DNAH7: variants seen among roughly 807,000 people sequenced by gnomAD.
DNAH7 encodes the protein dynein axonemal heavy chain 7, also known as axonemal beta dynein heavy chain 7.
Under a neutral mutation model 444.6 loss-of-function variants are expected in DNAH7, and 397 were observed. That is an observed-to-expected ratio of 0.89 (90% CI 0.82 to 0.97). The LOEUF (loss-of-function observed/expected upper bound fraction) is 0.97, where lower values mean the gene tolerates loss of function less well. Among genes scored for constraint, DNAH7 ranks in the 50% least tolerant of loss-of-function variants. The pLI is 0.00. For missense variants in DNAH7, 4,902 were observed against 4,800.8 expected, an observed-to-expected ratio of 1.02 and a Z score of -0.62; for synonymous variants, 1,636 against 1,624.4, an observed-to-expected ratio of 1.01 and a Z score of -0.17.
At chr2:195,941,212 T>A (rs1055473229) in intron 19 of DNAH7, among the ~76,000 whole-genome samples, 2 of 152,102 alleles carry the variant, frequency 1.3e-5, no homozygotes, top group African/African-American at 4.8e-5. Flanking sequence ...TGAGTTCATG[T>A]CCTTTGCGGG....
At position 195,861,898 on chromosome 2, in the gene DNAH7, C is replaced by A; in HGVS notation, c.7555G>T (p.Glu2519Ter). 1 of 1,613,968 alleles carries A rather than the reference C, an allele frequency of 6.2e-7. No individual in the cohort carries two copies. Among genetic ancestry groups the A allele is most frequent in the East Asian group, 2.2e-5 (1 of 44,876 alleles). Reference sequence around the variant, plus strand: ...CGTATTTCCTCTGACATTTCAATTTCTTCCAAGAATCGTGAGGCAACTGCC... The same window carrying A: ...CGTATTTCCTCTGACATTTCAATTTATTCCAAGAATCGTGAGGCAACTGCC... ...LQAVASRFLEEIEMSEEIRDG... is the reference protein window; with the variant it reads ...LQAVASRFLE The change falls in exon 42 of 65, where the codon GAA becomes TAA. Residue 2519 changes from glutamate (E) to a stop codon, truncating the protein, a stop_gained. Coordinates refer to ENST00000312428, the MANE Select transcript of DNAH7 (RefSeq NM_018897.3). LOFTEE classifies it high-confidence loss of function.
At chr2:196,023,478 T>A (rs1269484628) in intron 8 of DNAH7, among the ~76,000 whole-genome samples, 1 of 152,230 alleles carries the variant, frequency 6.6e-6, no homozygotes, top group African/African-American at 2.4e-5. Flanking sequence ...ATTGCTTCTT[T>A]TCTTAAACCT....
chr2:195,941,492 G>A (rs1302518185), intron 19 of DNAH7, among the ~76,000 whole-genome samples: 1 of 149,256 alleles, frequency 6.7e-6, no homozygotes, highest in Non-Finnish European at 1.5e-5. Flanking sequence ...GTTGATAGGT[G>A]CAGCAAACCA....
intron 2 of DNAH7, 34 bp from the exon 3 acceptor site, chr2:196,051,283 T>C (rs762842580): frequency 2.5e-6 from 4 of 1,579,524 alleles, no homozygotes; most frequent in Non-Finnish European, 3.5e-6. Context: ...AAAAAGTGTT[T>C]ACTCTGTTAG....
In DNAH7 at chr2:196,019,192, C is replaced by G; in HGVS notation, c.847G>C (p.Asp283His). 1 of 1,499,352 alleles carries G rather than the reference C, an allele frequency of 6.7e-7. No homozygotes were observed. Among genetic ancestry groups the G allele is most frequent in the Non-Finnish European group, 9.0e-7 (1 of 1,112,250 alleles). 92.9% of individuals were successfully genotyped at this position (1,499,352 alleles called of 1,614,324 possible). A position where few individuals can be genotyped will look rare whatever the true frequency, so the allele number is the denominator to read the frequency against. ...CACTTAAAATTAGTGTGCCACAAAT[C>G]TAGTACAGCCAGCATTGTGGGGTTC... ...AMNPTMLAVL[D>H]LWHTNFKKLR... The change falls in exon 9 of 65, where the codon GAT becomes CAT. Residue 283 changes from aspartate to histidine, a missense_variant. Transcript: ENST00000312428.
Position 195,926,462 on chromosome 2 carries a change from T to G in DNAH7, c.3576A>C (p.Thr1192=). The part of the protein sequence containing the change: ...TVLCVSQIFW[T]KEVQTAIPMG... ...TTGGAATAGCTGTTTGTACTTCTTT[T>G]GTCCAAAAGATTTGGGATACACAGA... is the stretch of plus-strand genomic sequence containing the variant. Residue 1192 remains threonine (T), a synonymous_variant, in exon 22 of 65, where the codon ACA becomes ACC. Transcript: ENST00000312428. The G allele has an allele frequency of 6.3e-7, 1 of 1,599,826 alleles. No homozygotes were observed.
At chr2:196,047,887 A>G (rs1470908748) in intron 4 of DNAH7, among the ~76,000 whole-genome samples, 1 of 152,088 alleles carries the variant, frequency 6.6e-6, no homozygotes, top group Non-Finnish European at 1.5e-5. Context: ...TAAACACTAC[A>G]TTTAATGAGT....
In DNAH7 at chr2:196,048,387, G is replaced by A; in HGVS notation, c.159C>T (p.His53=). The change falls in exon 4 of 65, where the codon CAC becomes CAT. Residue 53 remains histidine (H), a synonymous_variant. Transcript: ENST00000312428. ...GGAATGATGGAGCTGCCTGCTGCCAGTGGGGCTTTGTACTCACCTAAAATA... is the reference window on the plus strand; with the variant it reads ...GGAATGATGGAGCTGCCTGCTGCCAATGGGGCTTTGTACTCACCTAAAATA... ...PQLSMVSTKP[H]WQQAAPSFHL... is the part of the protein sequence containing the mutation. 2 of 1,613,932 alleles carry A rather than the reference G, an allele frequency of 1.2e-6. No homozygotes were observed. The highest frequency in any genetic ancestry group is 1.7e-6 in the Non-Finnish European group (2 of 1,179,900).
At chr2:195,826,156 G>T (rs946744879) in intron 48 of DNAH7, among the ~76,000 whole-genome samples, 9 of 152,108 alleles carry the variant, frequency 5.9e-5, no homozygotes, top group African/African-American at 2.2e-4. Flanking sequence ...ACTTAATCAG[G>T]CTGGAGCCCT....
At chr2:195,977,150 A>C (rs573799145) in intron 15 of DNAH7, among the ~76,000 whole-genome samples, 12 of 152,316 alleles carry the variant, frequency 7.9e-5, no homozygotes, top group Admixed American at 1.3e-4. Context: ...CAACCTAAAT[A>C]AGGCACCAAA....
intron 53 of DNAH7, among the ~76,000 whole-genome samples, chr2:195,808,261 T>C (rs1339201305): frequency 1.3e-5 from 2 of 152,236 alleles, no homozygotes; most frequent in African/African-American, 4.8e-5. Context: ...TCGTGAAAGT[T>C]GTTTTAGAAC....
intron 21 of DNAH7, among the ~76,000 whole-genome samples, chr2:195,931,136 G>A (rs944983186): frequency 2.0e-5 from 3 of 151,956 alleles, no homozygotes; most frequent in Non-Finnish European, 2.9e-5. Context: ...AGAATCACAC[G>A]ATATATCTAT....
Position 195,960,698 on chromosome 2 carries a change from G to T in DNAH7, c.2453C>A (p.Pro818Gln), listed in dbSNP as rs770136619. ...YKLEKTFHDS[P>Q]YALAMTKKVR... ...TTTTTTTGTCATTGCCAATGCATATGGAGAATCATGAAAGGTTTTCTCCAG... is the reference window on the plus strand; with the variant it reads ...TTTTTTTGTCATTGCCAATGCATATTGAGAATCATGAAAGGTTTTCTCCAG... Residue 818 changes from proline (P) to glutamine (Q), a missense_variant, in exon 18 of 65, where the codon CCA becomes CAA. Transcript: ENST00000312428. 48 of 1,614,040 alleles carry T rather than the reference G, an allele frequency of 3.0e-5. No homozygotes were observed. Among genetic ancestry groups the T allele is most frequent in the Non-Finnish European group, 3.9e-5 (46 of 1,180,008 alleles).
chr2:195,870,180 G>A (rs1236291158), intron 40 of DNAH7, among the ~76,000 whole-genome samples: 3 of 151,986 alleles, frequency 2.0e-5, no homozygotes, highest in Non-Finnish European at 4.4e-5. Context: ...CCAGGCACTG[G>A]GAAAACCAGC....
chr2:195,999,242 T>C (rs1693893988), intron 12 of DNAH7: 2 of 715,960 alleles, frequency 2.8e-6, no homozygotes, highest in Non-Finnish European at 5.2e-6. Flanking sequence ...GCTTTGTTTC[T>C]CTGTAGAGGA....
chr2:196,034,519 A>G (rs1237898847), intron 5 of DNAH7, among the ~76,000 whole-genome samples: 1 of 152,192 alleles, frequency 6.6e-6, no homozygotes, highest in Non-Finnish European at 1.5e-5. Flanking sequence ...CCTTTGCAAA[A>G]TCTGACAAGC....
intron 15 of DNAH7, among the ~76,000 whole-genome samples, chr2:195,980,547 G>A (rs1302247073): frequency 6.6e-6 from 1 of 152,102 alleles, no homozygotes; most frequent in Non-Finnish European, 1.5e-5. Flanking sequence ...AGACAAAGAT[G>A]CATCAAAAAA....
At position 195,991,222 on chromosome 2, in the gene DNAH7, A is replaced by G. The variant is rs188321210; in HGVS notation, c.1354-2993T>C. Among the ~76,000 whole-genome samples the G allele has an allele frequency of 1.8e-4, 28 of 152,116 alleles. No homozygotes were observed. The East Asian group carries it at 5.0e-3, about 27-fold the overall frequency. On this transcript the variant is annotated intron_variant, in intron 12 of 64. Coordinates refer to ENST00000312428, the MANE Select transcript of DNAH7 (RefSeq NM_018897.3). ...CTGACTCATAGTTTGCCTACTCCCA[A>G]TTTTGGGAGAAATATTTCCTTTCTA...
chr2:196,009,178 A>C (rs1694570984), intron 10 of DNAH7, among the ~76,000 whole-genome samples: 1 of 152,134 alleles, frequency 6.6e-6, no homozygotes. Context: ...CACACCTCCA[A>C]CACTAGGGAT....
Sources: allele counts gnomAD v4.1 joint callset (sites outside exome capture counted in the v4.1 genomes callset), GRCh38; gene constraint gnomAD v4.1.1; transcripts MANE v1.5; gene names NCBI Gene and HGNC (gene_info 2026-07-23, HGNC 2026-07-21).